Variants in DNAH14 observed in about 807,000 individuals in gnomAD.
DNAH14 encodes the protein axonemal beta dynein heavy chain 14.
Under a neutral mutation model 520.9 loss-of-function variants are expected in DNAH14, and 478 were observed. The observed-to-expected ratio is 0.92, with a 90% CI of 0.85 to 0.99. The LOEUF is 0.99. DNAH14 is among the 50% of genes least tolerant of loss of function. The pLI is 0.00. For missense variants in DNAH14, 4,831 were observed against 5,234.5 expected (o/e 0.92, Z 2.38); for synonymous variants, 1,581 against 1,757.2 (o/e 0.90, Z 2.51).
At chr1:225,273,543 A>G (rs1257059932) in intron 52 of DNAH14, among the ~76,000 whole-genome samples, 1 of 152,258 alleles carries the variant, frequency 6.6e-6, no homozygotes, top group Non-Finnish European at 1.5e-5. Flanking sequence ...ATGTAATTTT[A>G]TTAACAATTC....
chr1:224,975,979 A>G (rs1175039927), intron 8 of DNAH14, among the ~76,000 whole-genome samples: 5 of 151,586 alleles, frequency 3.3e-5, no homozygotes, highest in East Asian at 1.9e-4. Flanking sequence ...TCATTTCGTT[A>G]TGTACCCAGT....
rs772905344 is a variant in DNAH14 at position 225,080,681 on chromosome 1, T to C, written c.3069T>C (p.Ser1023=). 3 of 1,551,292 alleles carry C rather than the reference T, an allele frequency of 1.9e-6. No homozygotes were observed. Among genetic ancestry groups the C allele is most frequent in the Non-Finnish European group, 2.6e-6 (3 of 1,146,806 alleles). Residue 1023 remains serine (S), a synonymous_variant, in exon 19 of 86, where the codon AGT becomes AGC. Transcript: ENST00000682510. ...SWEWRNSSLQ[S]IDVESVQRNV... ...AATGGAGGAATAGTTCTCTTCAAAG[T>C]ATTGATGTAGAATCAGTACAGAGAA... is the stretch of plus-strand genomic sequence containing the variant.
At chr1:225,225,030 A>G (rs2090409607) in intron 41 of DNAH14, among the ~76,000 whole-genome samples, 1 of 152,202 alleles carries the variant, frequency 6.6e-6, no homozygotes, top group African/African-American at 2.4e-5. Flanking sequence ...GCTTATGGCA[A>G]TGATCAAGCA....
chr1:225,171,437 T>C (rs973987472), intron 36 of DNAH14, among the ~76,000 whole-genome samples: 6 of 151,984 alleles, frequency 3.9e-5, no homozygotes, highest in African/African-American at 1.5e-4. Context: ...ATAAAGGGGA[T>C]ATCACCACCG....
Position 225,301,007 on chromosome 1 carries a change from TCTTTA to T in DNAH14, c.8613_8617del (p.Leu2871PhefsTer9). 1 of 1,549,036 alleles carries T rather than the reference TCTTTA, an allele frequency of 6.5e-7. No homozygotes were observed. The highest frequency in any genetic ancestry group is 8.7e-7 in the Non-Finnish European group (1 of 1,146,290). On this transcript the variant is annotated frameshift_variant, in exon 56 of 86. Transcript: ENST00000682510. LOFTEE classifies it high-confidence loss of function. ...ATCTGGTCATATGGATAATAGGCAA[TCTTTA>T]CTTTCATTCTTTCAAAAGGTACTTT... is the stretch of plus-strand genomic sequence containing the variant.
chr1:225,238,779 G>A (rs1240540630), intron 42 of DNAH14, among the ~76,000 whole-genome samples: 1 of 151,984 alleles, frequency 6.6e-6, no homozygotes, highest in Non-Finnish European at 1.5e-5. Context: ...TCCATCCCAG[G>A]GAGAGATCAG....
chr1:225,139,992 A>G (rs1294225327), intron 27 of DNAH14, among the ~76,000 whole-genome samples: 1 of 152,216 alleles, frequency 6.6e-6, no homozygotes, highest in Non-Finnish European at 1.5e-5. Context: ...CTGTTGATAT[A>G]ACAAGTTTCT....
chr1:225,177,572 C>G (rs2083466679), intron 36 of DNAH14, among the ~76,000 whole-genome samples: 1 of 152,092 alleles, frequency 6.6e-6, no homozygotes, highest in Non-Finnish European at 1.5e-5. Flanking sequence ...GTGGGCCAAA[C>G]CCAGGGTCTC....
At chr1:224,950,879 A>G (rs2060126929) in intron 1 of DNAH14, among the ~76,000 whole-genome samples, 1 of 152,258 alleles carries the variant, frequency 6.6e-6, no homozygotes, top group South Asian at 2.1e-4. Context: ...TTACAAAAAA[A>G]AAATACTTAA....
At chr1:225,067,893 C>A (rs1423812159) in intron 17 of DNAH14, among the ~76,000 whole-genome samples, 1 of 151,988 alleles carries the variant, frequency 6.6e-6, no homozygotes, top group Non-Finnish European at 1.5e-5. Flanking sequence ...TTCTCCCATT[C>A]TCTGGGCTGT....
chr1:225,390,490 A>G (rs2095895184), intron 83 of DNAH14, among the ~76,000 whole-genome samples: 1 of 152,136 alleles, frequency 6.6e-6, no homozygotes, highest in Non-Finnish European at 1.5e-5. Flanking sequence ...AGGCCCCAGC[A>G]CACACACACA....
intron 49 of DNAH14, among the ~76,000 whole-genome samples, chr1:225,269,764 C>G (rs904696878): frequency 6.6e-6 from 1 of 152,100 alleles, no homozygotes; most frequent in Non-Finnish European, 1.5e-5. Context: ...AAATGCAAAC[C>G]GCAAGGAGAT....
In DNAH14 at chr1:225,167,931, C is replaced by G. The variant is rs1284091911; in HGVS notation, c.5446-8C>G. The G allele has an allele frequency of 2.1e-6, 3 of 1,438,698 alleles. No homozygotes were observed. In the South Asian group the frequency reaches 4.2e-5, roughly 20 times the overall value. The allele number at this position is 1,438,698 out of a possible 1,614,324, so 89.1% of individuals were successfully genotyped here. On this transcript the variant is annotated splice_polypyrimidine_tract_variant and splice_region_variant and intron_variant, in intron 35 of 85. Transcript: ENST00000682510. The stretch of plus-strand genomic sequence containing the variant: ...GCATTTTAAATTTATGTATTTATTT[C>G]CTTTTAGAAAGTAATATATACTGCA...
At chr1:225,118,276 C>G (rs1324850381) in intron 25 of DNAH14, 1 of 455,382 alleles carries the variant, frequency 2.2e-6, no homozygotes, top group East Asian at 4.0e-5. Context: ...CCTTAAGTTT[C>G]CTACTCTCTT....
chr1:225,067,934 A>C (rs963668749), intron 17 of DNAH14, among the ~76,000 whole-genome samples: 3 of 152,088 alleles, frequency 2.0e-5, no homozygotes. Flanking sequence ...TTTGCTGTGC[A>C]GAAGCTCTTT....
intron 10 of DNAH14, among the ~76,000 whole-genome samples, chr1:225,013,156 A>ATT (rs35794855): frequency 1.4e-5 from 2 of 146,948 alleles, no homozygotes; most frequent in African/African-American, 2.5e-5. Context: ...TTGCATGGTC[A>ATT]TTTTTTTTTT....
chr1:225,199,944 A>G (rs2086609288), intron 38 of DNAH14, among the ~76,000 whole-genome samples: 1 of 152,074 alleles, frequency 6.6e-6, no homozygotes. Flanking sequence ...GAAGTCCCCC[A>G]TTATTATTGT....
chr1:225,216,801 C>A (rs1351322864), intron 41 of DNAH14, among the ~76,000 whole-genome samples: 1 of 152,092 alleles, frequency 6.6e-6, no homozygotes, highest in Admixed American at 6.6e-5. Flanking sequence ...TTCGTCTAAT[C>A]TTTTTTCAAG....
intron 37 of DNAH14, among the ~76,000 whole-genome samples, chr1:225,189,279 AG>A (rs2085115317): frequency 6.6e-6 from 1 of 151,634 alleles, no homozygotes; most frequent in African/African-American, 2.4e-5. Flanking sequence ...CATCTTTTTG[AG>A]GATTTTTGCA....
Sources: allele counts gnomAD v4.1 joint callset (sites outside exome capture counted in the v4.1 genomes callset), GRCh38; gene constraint gnomAD v4.1.1; transcripts MANE v1.5; gene names NCBI Gene and HGNC (gene_info 2026-07-23, HGNC 2026-07-21).